Variants in ARHGAP6 observed in about 807,000 individuals in gnomAD.
The protein encoded by ARHGAP6 is Rho GTPase activating protein 6.
ARHGAP6 carries 16 observed loss-of-function variants against 55.7 expected under a neutral mutation model. The observed-to-expected ratio is 0.29, with a 90% CI of 0.19 to 0.44. ARHGAP6 has a LOEUF of 0.44. ARHGAP6 is among the 20% of genes least tolerant of loss of function. ARHGAP6 has a pLI of 1.00. For synonymous variants in ARHGAP6, 382 were observed against 360.9 expected (o/e 1.06, Z -0.66); for missense variants, 698 against 808.9 (o/e 0.86, Z 1.66).
chrX:11,139,253 G>A lies in ARHGAP6; in HGVS notation c.2535C>T (p.Gly845=), dbSNP rs757875330. Residue 845 remains glycine (G), a synonymous_variant, in exon 13 of 13, where the codon GGC becomes GGT. Transcript: ENST00000337414. ...GCTCACTCTCGCTGAGGTCGTGGGCGCCGCTCAGGGTCAAGTACTGCTCCG... is the reference window on the plus strand; with the variant it reads ...GCTCACTCTCGCTGAGGTCGTGGGCACCGCTCAGGGTCAAGTACTGCTCCG... ...ARSEQYLTLS[G]AHDLSESELD... is the part of the protein sequence containing the mutation. 29 of 1,195,188 alleles carry A rather than the reference G, an allele frequency of 2.4e-5. No homozygotes were observed. The highest frequency in any genetic ancestry group is 3.3e-5 in the Non-Finnish European group (29 of 888,407).
intron 10 of ARHGAP6, among the ~76,000 whole-genome samples, chrX:11,155,997 C>A (rs1237271982): frequency 8.9e-6 from 1 of 112,392 alleles, no homozygotes; most frequent in Non-Finnish European, 1.9e-5. Context: ...TGTAGAAACC[C>A]ATGTGCATTT....
chrX:11,425,593 A>G (rs1367587195), intron 1 of ARHGAP6, among the ~76,000 whole-genome samples: 4 of 111,818 alleles, frequency 3.6e-5, no homozygotes, highest in African/African-American at 1.3e-4. Flanking sequence ...CTTAAACCAG[A>G]ATATACATAC....
At chrX:11,148,674 G>T (rs1343398612) in intron 10 of ARHGAP6, 1 of 373,625 alleles carries the variant, frequency 2.7e-6, no homozygotes, top group Non-Finnish European at 5.2e-6. Flanking sequence ...TGCTGGCAGG[G>T]TACTGTGGGC....
intron 10 of ARHGAP6, among the ~76,000 whole-genome samples, chrX:11,153,962 C>T (rs141402121): frequency 9.1e-6 from 1 of 110,125 alleles, no homozygotes; most frequent in African/African-American, 3.3e-5. Flanking sequence ...ATTCCTCCCC[C>T]CTCCCCCCAT....
intron 5 of ARHGAP6, among the ~76,000 whole-genome samples, chrX:11,185,734 G>T (rs765251811): frequency 8.9e-6 from 1 of 112,024 alleles, no homozygotes; most frequent in Non-Finnish European, 1.9e-5. Context: ...ATTTTAAGTG[G>T]ACAGCTTCCA....
At chrX:11,549,701 G>A (rs1232981592) in intron 1 of ARHGAP6, among the ~76,000 whole-genome samples, 1 of 112,217 alleles carries the variant, frequency 8.9e-6, no homozygotes. Flanking sequence ...TGTCTGGAAA[G>A]GCCCTGAAAA....
At chrX:11,640,803 G>A (rs2052466721) in intron 1 of ARHGAP6, among the ~76,000 whole-genome samples, 1 of 111,442 alleles carries the variant, frequency 9.0e-6, no homozygotes, top group Admixed American at 9.5e-5. Context: ...CATCTGTGAG[G>A]TCTTCTTTGT....
chrX:11,165,151 T>C (rs1045977937), intron 9 of ARHGAP6, among the ~76,000 whole-genome samples: 2 of 110,763 alleles, frequency 1.8e-5, no homozygotes, highest in African/African-American at 6.6e-5. Flanking sequence ...CAAAAATACA[T>C]TTTTTTTCTA....
intron 8 of ARHGAP6, among the ~76,000 whole-genome samples, chrX:11,174,635 C>CTCTTTCT (rs1175910448): frequency 2.1e-3 from 95 of 45,741 alleles, no homozygotes; most frequent in Non-Finnish European, 2.7e-3. Context: ...TTCTTTCTTT[C>CTCTTTCT]TTTCTTTCTT....
chrX:11,583,230 A>C (rs2051685756), intron 1 of ARHGAP6, among the ~76,000 whole-genome samples: 2 of 112,478 alleles, frequency 1.8e-5, no homozygotes, highest in Admixed American at 1.9e-4. Flanking sequence ...CTCTGTAACT[A>C]GAAATTACTG....
At chrX:11,547,072 C>A (rs2051218812) in intron 1 of ARHGAP6, among the ~76,000 whole-genome samples, 1 of 112,149 alleles carries the variant, frequency 8.9e-6, no homozygotes, top group Non-Finnish European at 1.9e-5. Context: ...GTCCAGAAAA[C>A]CTAAAAATAG....
intron 11 of ARHGAP6, chrX:11,143,717 C>T: frequency 9.1e-7 from 1 of 1,096,086 alleles, no homozygotes. Context: ...GGAGTGGCTC[C>T]TCTGGGCATG....
chrX:11,571,645 C>T (rs781026991), intron 1 of ARHGAP6, among the ~76,000 whole-genome samples: 1 of 107,835 alleles, frequency 9.3e-6, no homozygotes, highest in South Asian at 4.2e-4. Flanking sequence ...GGGAGGCCAA[C>T]ACAGGACAGT....
chrX:11,585,072 G>A (rs1321399661), intron 1 of ARHGAP6, among the ~76,000 whole-genome samples: 1 of 111,756 alleles, frequency 8.9e-6, no homozygotes, highest in Non-Finnish European at 1.9e-5. Context: ...AAGGATAATG[G>A]CCTCCAGCTC....
At chrX:11,284,124 T>G (rs1428223410) in intron 1 of ARHGAP6, among the ~76,000 whole-genome samples, 1 of 111,836 alleles carries the variant, frequency 8.9e-6, no homozygotes, top group African/African-American at 3.3e-5. Context: ...AGTCATGTGA[T>G]TTCTAGCAAG....
chrX:11,362,989 TG>T (rs1269624524), intron 1 of ARHGAP6, among the ~76,000 whole-genome samples: 2 of 112,032 alleles, frequency 1.8e-5, no homozygotes. Flanking sequence ...TAAAAAGCAC[TG>T]TTTCCTTCTG....
intron 1 of ARHGAP6, among the ~76,000 whole-genome samples, chrX:11,618,033 G>C (rs1476158978): frequency 9.0e-6 from 1 of 111,700 alleles, no homozygotes; most frequent in Non-Finnish European, 1.9e-5. Flanking sequence ...GGAGGCAGGA[G>C]AGCAAGAAGG....
intron 2 of ARHGAP6, chrX:11,225,670 G>T: frequency 3.3e-6 from 2 of 613,344 alleles, no homozygotes; most frequent in South Asian, 3.1e-5. Context: ...TGCTTCTAGA[G>T]AATATTTCAA....
chrX:11,603,827 AAG>A (rs2052004517), intron 1 of ARHGAP6, among the ~76,000 whole-genome samples: 1 of 112,199 alleles, frequency 8.9e-6, no homozygotes, highest in African/African-American at 3.2e-5. Flanking sequence ...AACAAGATAA[AAG>A]AGTATAATAC....
Sources: gnomAD v4.1 joint callset for allele counts (sites outside exome capture counted in the v4.1 genomes callset) on GRCh38, gnomAD v4.1.1 for gene constraint, MANE v1.5 for transcripts, NCBI Gene and HGNC (gene_info 2026-07-23, HGNC 2026-07-21) for gene names.